The following MEGF10 variants were observed in gnomAD, a reference collection of about 807,000 sequenced individuals.
MEGF10 encodes the protein multiple epidermal growth factor-like domains protein 10.
Under a neutral mutation model 147.5 loss-of-function variants are expected in MEGF10, and 86 were observed. The ratio of observed to expected loss-of-function variants is 0.58; its 90% CI spans 0.49 to 0.70. The LOEUF is 0.70. MEGF10 is among the 30% of genes least tolerant of loss of function. MEGF10 has a pLI of 0.00. For synonymous variants in MEGF10, 478 were observed against 525.5 expected (o/e 0.91, Z 1.24); for missense variants, 1,329 against 1,487.3 (o/e 0.89, Z 1.75).
At chr5:127,330,225 TCA>T (rs1387044651) in intron 1 of MEGF10, among the ~76,000 whole-genome samples, 1 of 152,158 alleles carries the variant, frequency 6.6e-6, no homozygotes. Context: ...CTTGATCTGC[TCA>T]CAGTCATGTC....
At chr5:127,303,611 G>A (rs1301931353) in intron 1 of MEGF10, among the ~76,000 whole-genome samples, 1 of 152,142 alleles carries the variant, frequency 6.6e-6, no homozygotes, top group East Asian at 1.9e-4. Context: ...TCTATGCTAG[G>A]GACAGGGCAA....
At chr5:127,326,697 G>A (rs1761050261) in intron 1 of MEGF10, among the ~76,000 whole-genome samples, 1 of 152,128 alleles carries the variant, frequency 6.6e-6, no homozygotes, top group African/African-American at 2.4e-5. Context: ...ACGATGGAGT[G>A]GTCAGGTGAA....
intron 1 of MEGF10, among the ~76,000 whole-genome samples, chr5:127,312,975 G>T (rs1184738909): frequency 6.6e-6 from 1 of 152,146 alleles, no homozygotes; most frequent in African/African-American, 2.4e-5. Flanking sequence ...TCTTCATTAA[G>T]GTTGTTTTTC....
chr5:127,246,701 T>C, the MEGF10 span, among the ~76,000 whole-genome samples: 2 of 148,876 alleles, frequency 1.3e-5, no homozygotes, highest in African/African-American at 4.9e-5. Context: ...ACAATAAATT[T>C]TGAAAAGATA....
At chr5:127,377,868 A>T (rs1265947020) in intron 5 of MEGF10, among the ~76,000 whole-genome samples, 1 of 152,190 alleles carries the variant, frequency 6.6e-6, no homozygotes, top group African/African-American at 2.4e-5. Context: ...AATCAGGTTG[A>T]TGGAGCAGCA....
intron 13 of MEGF10, among the ~76,000 whole-genome samples, chr5:127,432,541 A>G (rs1231072361): frequency 6.6e-6 from 1 of 152,238 alleles, no homozygotes; most frequent in Non-Finnish European, 1.5e-5. Context: ...TTGAGTTGTG[A>G]GGAATTCTGG....
intron 10 of MEGF10, 141 bp from the exon 11 acceptor site, chr5:127,418,979 A>G: frequency 9.8e-7 from 1 of 1,015,302 alleles, no homozygotes; most frequent in Non-Finnish European, 1.4e-6. Flanking sequence ...TGGTGACATT[A>G]TGACAAAATT....
At chr5:127,279,123 C>G in the MEGF10 span, among the ~76,000 whole-genome samples, 1 of 152,022 alleles carries the variant, frequency 6.6e-6, no homozygotes, top group Non-Finnish European at 1.5e-5. Flanking sequence ...AAGTAAATTA[C>G]CATGATGACT....
At chr5:127,424,950 C>A (rs1765161816) in intron 13 of MEGF10, among the ~76,000 whole-genome samples, 1 of 152,186 alleles carries the variant, frequency 6.6e-6, no homozygotes. Flanking sequence ...AACCTTCTGG[C>A]AAATTCAGAA....
chr5:127,436,961 T>C (rs1352776872), intron 16 of MEGF10, among the ~76,000 whole-genome samples: 1 of 152,222 alleles, frequency 6.6e-6, no homozygotes, highest in African/African-American at 2.4e-5. Context: ...AAAATGATTT[T>C]TTAAAGCACT....
At chr5:127,239,128 T>C in the MEGF10 span, among the ~76,000 whole-genome samples, 2 of 152,024 alleles carry the variant, frequency 1.3e-5, no homozygotes, top group South Asian at 4.2e-4. Flanking sequence ...ATCAATGTCA[T>C]GAAAGACACA....
At chr5:127,240,292 G>T in the MEGF10 span, among the ~76,000 whole-genome samples, 4 of 152,158 alleles carry the variant, frequency 2.6e-5, no homozygotes, top group African/African-American at 9.7e-5. Context: ...TGAAGCCCCA[G>T]CATGGGCCTG....
At chr5:127,229,983 A>G in the MEGF10 span, among the ~76,000 whole-genome samples, 1 of 152,204 alleles carries the variant, frequency 6.6e-6, no homozygotes, top group African/African-American at 2.4e-5. Flanking sequence ...ATAAATGAAA[A>G]AGAGAGGCAT....
rs143640550 is a variant in MEGF10, at chr5:127,381,260, A to G, written c.412+11258A>G. ...AAATGCAGACTACAAATTATTTCTA[A>G]TCACATAGTGATGAGTCGAATTTCA... On this transcript the variant is annotated intron_variant, in intron 5 of 24. Transcript: ENST00000503335. Among the ~76,000 whole-genome samples the G allele has an allele frequency of 2.4e-3, 370 of 152,358 alleles. 1 individual carries two copies. The highest frequency in any genetic ancestry group is 8.2e-3 in the African/African-American group (339 of 41,590).
chr5:127,403,748 T>C (rs1295215234), intron 8 of MEGF10, among the ~76,000 whole-genome samples: 1 of 152,248 alleles, frequency 6.6e-6, no homozygotes, highest in African/African-American at 2.4e-5. Flanking sequence ...TCCAGTTCTA[T>C]CCATGTTGTT....
chr5:127,289,803 G>C (rs1043214921), upstream of MEGF10, among the ~76,000 whole-genome samples: 1 of 152,192 alleles, frequency 6.6e-6, no homozygotes, highest in Non-Finnish European at 1.5e-5. Context: ...TTATTAATGG[G>C]AGGAAGAGAA....
chr5:127,332,733 A>G (rs1341123819), intron 2 of MEGF10, among the ~76,000 whole-genome samples: 3 of 152,194 alleles, frequency 2.0e-5, no homozygotes, highest in Non-Finnish European at 4.4e-5. Context: ...AGTGCTCTTT[A>G]TAATATTTAC....
chr5:127,233,802 T>A, the MEGF10 span, among the ~76,000 whole-genome samples: 1 of 152,152 alleles, frequency 6.6e-6, no homozygotes, highest in East Asian at 1.9e-4. Flanking sequence ...ACTTCCTTTT[T>A]TCCTTCACTT....
At chr5:127,284,980 T>C in the MEGF10 span, among the ~76,000 whole-genome samples, 1 of 152,214 alleles carries the variant, frequency 6.6e-6, no homozygotes, top group Admixed American at 6.5e-5. Context: ...TCTCTGGATT[T>C]ATAAGGTAAT....
Sources: gnomAD v4.1 joint callset for allele counts (sites outside exome capture counted in the v4.1 genomes callset) on GRCh38, gnomAD v4.1.1 for gene constraint, MANE v1.5 for transcripts, NCBI Gene and HGNC (gene_info 2026-07-23, HGNC 2026-07-21) for gene names.